The following TMEM74 variants were observed in gnomAD, a reference collection of about 807,000 sequenced individuals.
TMEM74 encodes the protein transmembrane protein 74.
TMEM74 carries 13 observed loss-of-function variants against 18.1 expected under a neutral mutation model. That is an observed-to-expected ratio of 0.72 (90% CI 0.47 to 1.14). TMEM74 has a LOEUF of 1.14. Among genes scored for constraint, TMEM74 ranks in the 50% most tolerant of loss-of-function variants. The pLI is 0.00. For synonymous variants in TMEM74, 159 were observed against 146.6 expected (o/e 1.08, Z -0.61); for missense variants, 372 against 375.9 (o/e 0.99, Z 0.09).
chr8:108,776,198 TA>T (rs1814231915), downstream of TMEM74, among the ~76,000 whole-genome samples: 1 of 152,202 alleles, frequency 6.6e-6, no homozygotes, highest in South Asian at 2.1e-4. Context: ...CTATTTTGTT[TA>T]AAAGATAATT....
intron 1 of TMEM74, among the ~76,000 whole-genome samples, chr8:108,686,891 C>G (rs4735074): frequency 0.44 from 67,220 of 151,836 alleles, 15,258 homozygotes; most frequent in East Asian, 0.7. Flanking sequence ...ATCAACACTC[C>G]CATAAGGAAG....
In TMEM74 at chr8:108,620,379, C is replaced by A. The variant is rs533319559; in HGVS notation, n.265-11553G>T. Among the ~76,000 whole-genome samples, 3 of 152,188 alleles carry A rather than the reference C, an allele frequency of 2.0e-5. No individual in the cohort carries two copies. In the South Asian group the frequency reaches 6.2e-4, roughly 32 times the overall value. On this transcript the variant is annotated intron_variant and non_coding_transcript_variant, in intron 2 of 3. Coordinates refer to the TMEM74 transcript ENST00000518838. The stretch of plus-strand genomic sequence containing the variant: ...AGATTGAGTAGAGTTAGGAAAATTG[C>A]CCATGGCTATTTCTCCGTGGGGTGG...
chr8:108,614,401 C>T (rs1812363719), intron 2 of TMEM74, among the ~76,000 whole-genome samples: 1 of 151,898 alleles, frequency 6.6e-6, no homozygotes, highest in African/African-American at 2.4e-5. Flanking sequence ...GAATAATTTT[C>T]TCAAGGAAAT....
intron 1 of TMEM74, among the ~76,000 whole-genome samples, chr8:108,676,724 T>G (rs1813059595): frequency 1.3e-5 from 2 of 152,238 alleles, no homozygotes; most frequent in African/African-American, 4.8e-5. Context: ...GCTGGAATTT[T>G]GTCTACATTT....
intron 1 of TMEM74, among the ~76,000 whole-genome samples, chr8:108,729,530 G>T (rs1018689797): frequency 1.3e-5 from 2 of 151,954 alleles, no homozygotes; most frequent in Non-Finnish European, 2.9e-5. Flanking sequence ...ATATCTTTGG[G>T]GTACATTTTG....
intron 2 of TMEM74, among the ~76,000 whole-genome samples, chr8:108,632,471 T>C (rs1362119568): frequency 6.6e-6 from 1 of 152,038 alleles, no homozygotes; most frequent in Non-Finnish European, 1.5e-5. Flanking sequence ...GCAATGATGT[T>C]ATAAATTTTA....
chr8:108,652,108 A>G (rs562431677), intron 2 of TMEM74, among the ~76,000 whole-genome samples: 4 of 152,148 alleles, frequency 2.6e-5, no homozygotes, highest in Non-Finnish European at 5.9e-5. Flanking sequence ...AAGAAAAAAC[A>G]TTTTTTACTC....
At chr8:108,678,883 G>A (rs552691375) in intron 1 of TMEM74, among the ~76,000 whole-genome samples, 1,552 of 149,902 alleles carry the variant, frequency 0.01, 17 homozygotes, top group Middle Eastern at 0.035. Flanking sequence ...ATCTCCTAAT[G>A]CCATCCTCCC....
intron 1 of TMEM74, among the ~76,000 whole-genome samples, chr8:108,719,336 T>C (rs1813562024): frequency 6.6e-6 from 1 of 152,156 alleles, no homozygotes; most frequent in Admixed American, 6.5e-5. Flanking sequence ...TAAATATACA[T>C]TCTCACAAAA....
intron 1 of TMEM74, among the ~76,000 whole-genome samples, chr8:108,743,039 G>A (rs958189609): frequency 1.3e-5 from 2 of 152,102 alleles, no homozygotes; most frequent in South Asian, 2.1e-4. Flanking sequence ...TTATATAGTC[G>A]ATAGTTTTAT....
chr8:108,780,549 G>A lies in TMEM74; in HGVS notation c.*3632C>T, dbSNP rs955616530. 3.9e-5 allele frequency among the ~76,000 whole-genome samples: 6 copies of A among 152,146 alleles called. No homozygotes were observed. Among genetic ancestry groups the A allele is most frequent in the Non-Finnish European group, 7.4e-5 (5 of 68,024 alleles). On this transcript the variant is annotated 3_prime_UTR_variant, in exon 2 of 2. Transcript: ENST00000297459. The stretch of plus-strand genomic sequence containing the variant: ...TAAAGGCACACATAAGTTTGGCAGC[G>A]CAGTCTCTTTTCAGAAATTGTACCT...
At chr8:108,647,374 A>G (rs1452890601) in intron 2 of TMEM74, among the ~76,000 whole-genome samples, 1 of 152,164 alleles carries the variant, frequency 6.6e-6, no homozygotes, top group Non-Finnish European at 1.5e-5. Context: ...GATTTTGTAA[A>G]TGTCACACAA....
At chr8:108,681,071 C>A (rs7460496) in intron 1 of TMEM74, among the ~76,000 whole-genome samples, 2 of 152,078 alleles carry the variant, frequency 1.3e-5, no homozygotes, top group African/African-American at 4.8e-5. Flanking sequence ...GAATCAATAT[C>A]GTGAAAATGG....
At chr8:108,737,724 C>T (rs987086060) in intron 1 of TMEM74, among the ~76,000 whole-genome samples, 3 of 152,050 alleles carry the variant, frequency 2.0e-5, no homozygotes, top group Admixed American at 6.5e-5. Flanking sequence ...TACAATAAGA[C>T]ATGATATAAT....
At chr8:108,736,894 G>A (rs1217655416) in intron 1 of TMEM74, among the ~76,000 whole-genome samples, 2 of 152,208 alleles carry the variant, frequency 1.3e-5, no homozygotes, top group Non-Finnish European at 2.9e-5. Flanking sequence ...ACATAGATTT[G>A]TAGATGGCCT....
intron 2 of TMEM74, among the ~76,000 whole-genome samples, chr8:108,646,794 C>T (rs1003675038): frequency 6.6e-6 from 1 of 151,806 alleles, no homozygotes; most frequent in Non-Finnish European, 1.5e-5. Flanking sequence ...TCCTTCATAA[C>T]TCAGGTTATA....
At chr8:108,708,863 CA>C (rs1451313433) in intron 1 of TMEM74, among the ~76,000 whole-genome samples, 8 of 44,208 alleles carry the variant, frequency 1.8e-4, no homozygotes, top group Non-Finnish European at 2.8e-4. Flanking sequence ...AAAAAATAGA[CA>C]AAAGACTTGA....
At chr8:108,689,774 T>C (rs953892407) in intron 1 of TMEM74, among the ~76,000 whole-genome samples, 6 of 152,162 alleles carry the variant, frequency 3.9e-5, no homozygotes, top group African/African-American at 1.2e-4. Flanking sequence ...TGAAGTCAGA[T>C]CAGCTTACCC....
chr8:108,627,824 G>A (rs537429166), intron 2 of TMEM74, among the ~76,000 whole-genome samples: 22 of 152,054 alleles, frequency 1.4e-4, no homozygotes, highest in South Asian at 4.1e-4. Flanking sequence ...AAGCTGAGGC[G>A]GATGTTTGAC....
Sources: gnomAD v4.1 joint callset for allele counts (sites outside exome capture counted in the v4.1 genomes callset) on GRCh38, gnomAD v4.1.1 for gene constraint, MANE v1.5 for transcripts, NCBI Gene and HGNC (gene_info 2026-07-23, HGNC 2026-07-21) for gene names.